Variants in B3GALT1 observed in about 807,000 individuals in gnomAD.
B3GALT1 encodes the protein UDP-Gal:betaGlcNAc beta 1,3-galactosyltransferase, polypeptide 1.
A neutral mutation model predicts 23.2 loss-of-function variants in B3GALT1; 10 were observed. The observed-to-expected ratio is 0.43, with a 90% CI of 0.27 to 0.73. B3GALT1 has a LOEUF of 0.73. B3GALT1 is among the 30% of genes least tolerant of loss of function. The probability of loss-of-function intolerance (pLI) is 0.21; values close to 1 mark genes in which losing one functional copy is unlikely to be tolerated. For missense variants in B3GALT1, 299 were observed against 405.4 expected (o/e 0.74, Z 2.25); for synonymous variants, 156 against 141.5 (o/e 1.10, Z -0.73).
chr2:167,434,494 A>G (rs1698748276), intron 1 of B3GALT1, among the ~76,000 whole-genome samples: 1 of 147,720 alleles, frequency 6.8e-6, no homozygotes, highest in Non-Finnish European at 1.5e-5. Flanking sequence ...AATTACTTCA[A>G]TATATCTCTC....
intron 1 of B3GALT1, among the ~76,000 whole-genome samples, chr2:167,475,014 CTT>C (rs371309316): frequency 8.3e-4 from 127 of 152,244 alleles, no homozygotes; most frequent in African/African-American, 3.0e-3. Context: ...TACTAAACAA[CTT>C]TATTAGTTCA....
At chr2:167,510,986 TA>T (rs576713587) in intron 2 of B3GALT1, among the ~76,000 whole-genome samples, 15 of 151,998 alleles carry the variant, frequency 9.9e-5, no homozygotes, top group African/African-American at 3.1e-4. Flanking sequence ...TTAGAATCAA[TA>T]AAAAAAGAGA....
chr2:167,507,363 T>C (rs780080593), intron 2 of B3GALT1, among the ~76,000 whole-genome samples: 1 of 151,512 alleles, frequency 6.6e-6, no homozygotes, highest in Admixed American at 6.6e-5. Context: ...AAAAATTAGC[T>C]AGGTGTGGTG....
intron 1 of B3GALT1, among the ~76,000 whole-genome samples, chr2:167,320,041 G>A (rs936091869): frequency 1.3e-5 from 2 of 152,076 alleles, no homozygotes; most frequent in African/African-American, 2.4e-5. Flanking sequence ...GTGTTGGCAT[G>A]ATCAGTCACT....
chr2:167,529,577 G>C (rs570956064), intron 2 of B3GALT1, among the ~76,000 whole-genome samples: 16 of 149,740 alleles, frequency 1.1e-4, no homozygotes, highest in Non-Finnish European at 2.4e-4. Context: ...CTTTGTTTCC[G>C]ATCTCACTCT....
intron 4 of B3GALT1, among the ~76,000 whole-genome samples, chr2:167,828,361 A>G (rs541670021): frequency 2.4e-3 from 368 of 152,360 alleles, no homozygotes; most frequent in Non-Finnish European, 4.3e-3. Context: ...ACCTGTGATG[A>G]ACTGCCGAAT....
intron 2 of B3GALT1, among the ~76,000 whole-genome samples, chr2:167,636,168 A>G (rs1331299935): frequency 6.6e-6 from 1 of 152,016 alleles, no homozygotes; most frequent in Middle Eastern, 3.2e-3. Context: ...GCAGCTGAGG[A>G]GATTAAGACT....
intron 2 of B3GALT1, among the ~76,000 whole-genome samples, chr2:167,534,935 T>G (rs1288955974): frequency 6.6e-6 from 1 of 152,178 alleles, no homozygotes; most frequent in Non-Finnish European, 1.5e-5. Flanking sequence ...GAGGTTAAGA[T>G]TTTGTTATCC....
Position 167,434,628 on chromosome 2 carries a change from G to A in B3GALT1, c.-510-55549G>A, listed in dbSNP as rs930345981. Among the ~76,000 whole-genome samples, 3 of 151,180 alleles carry A rather than the reference G, an allele frequency of 2.0e-5. No homozygotes were observed. In the East Asian group the frequency reaches 5.8e-4, roughly 29 times the overall value. On this transcript the variant is annotated intron_variant, in intron 1 of 4. Transcript: ENST00000392690. ...GTCCCCAGTTTATATGTTCACTTCT[G>A]GCTTATTCAAATCAGCATTCCAAAT...
chr2:167,352,245 G>A (rs1697321854), intron 1 of B3GALT1, among the ~76,000 whole-genome samples: 1 of 145,458 alleles, frequency 6.9e-6, no homozygotes, highest in African/African-American at 2.5e-5. Context: ...GGAATTACAG[G>A]TGTGAGCCAC....
At chr2:167,680,118 G>A (rs967353368) in intron 3 of B3GALT1, among the ~76,000 whole-genome samples, 11 of 151,970 alleles carry the variant, frequency 7.2e-5, no homozygotes, top group African/African-American at 2.7e-4. Flanking sequence ...TCTCACTTTG[G>A]TAATTCATTC....
chr2:167,491,738 C>A (rs1034509252), intron 2 of B3GALT1, among the ~76,000 whole-genome samples: 1 of 151,566 alleles, frequency 6.6e-6, no homozygotes, highest in African/African-American at 2.4e-5. Flanking sequence ...TGGCATGTAC[C>A]CAGGAGGCGG....
At chr2:167,445,417 CGTT>C (rs1698966301) in intron 1 of B3GALT1, among the ~76,000 whole-genome samples, 1 of 152,116 alleles carries the variant, frequency 6.6e-6, no homozygotes, top group Non-Finnish European at 1.5e-5. Flanking sequence ...TCCTGGATAT[CGTT>C]GTTAACTTTC....
At chr2:167,445,015 T>C (rs1297346983) in intron 1 of B3GALT1, among the ~76,000 whole-genome samples, 2 of 152,212 alleles carry the variant, frequency 1.3e-5, no homozygotes, top group Admixed American at 6.5e-5. Flanking sequence ...GCTATAAATT[T>C]CCCTCTACAC....
At chr2:167,623,892 G>T (rs1399591844) in intron 2 of B3GALT1, among the ~76,000 whole-genome samples, 1 of 152,006 alleles carries the variant, frequency 6.6e-6, no homozygotes, top group Admixed American at 6.6e-5. Context: ...AACATTTTAG[G>T]CAGGATAAAA....
Position 167,411,703 on chromosome 2 carries a change from C to T in B3GALT1, c.-510-78474C>T, listed in dbSNP as rs1031886412. ...GAACTACCATATTATCCAGCAATCA[C>T]AGTACTAGGCATATATCTAAAAGAA... On this transcript the variant is annotated intron_variant, in intron 1 of 4. Transcript: ENST00000392690. Among the ~76,000 whole-genome samples the T allele has an allele frequency of 2.0e-5, 3 of 152,236 alleles. No homozygotes were observed. In the South Asian group the frequency reaches 6.2e-4, roughly 32 times the overall value.
At chr2:167,438,073 T>C (rs1373849445) in intron 1 of B3GALT1, among the ~76,000 whole-genome samples, 1 of 152,210 alleles carries the variant, frequency 6.6e-6, no homozygotes, top group Non-Finnish European at 1.5e-5. Context: ...CTACACATCC[T>C]ACAAAGGATG....
chr2:167,769,767 T>C (rs1688040754), intron 3 of B3GALT1, among the ~76,000 whole-genome samples: 1 of 152,228 alleles, frequency 6.6e-6, no homozygotes, highest in Admixed American at 6.5e-5. Context: ...TTCTGAGTAG[T>C]ATTCCATTAT....
intron 1 of B3GALT1, among the ~76,000 whole-genome samples, chr2:167,483,250 G>A (rs890276440): frequency 2.6e-5 from 4 of 151,994 alleles, no homozygotes; most frequent in Non-Finnish European, 5.9e-5. Context: ...CTGAGATCGC[G>A]CCATTGCACT....
Sources: allele counts gnomAD v4.1 joint callset (sites outside exome capture counted in the v4.1 genomes callset), GRCh38; gene constraint gnomAD v4.1.1; transcripts MANE v1.5; gene names NCBI Gene and HGNC (gene_info 2026-07-23, HGNC 2026-07-21).